Variants in KLHL32 observed in about 807,000 individuals in gnomAD.
The protein encoded by KLHL32 is kelch-like protein 32.
In KLHL32, 35 loss-of-function variants were observed where a neutral mutation model predicts 64.8. The observed-to-expected ratio is 0.54, with a 90% CI of 0.41 to 0.72. The LOEUF is 0.72. Ranked by LOEUF, KLHL32 falls within the 30% of genes least tolerant of loss-of-function variation. The pLI is 0.00. For synonymous variants in KLHL32, 259 were observed against 281.0 expected (o/e 0.92, Z 0.78); for missense variants, 589 against 768.5 (o/e 0.77, Z 2.76).
Position 96,978,830 on chromosome 6 carries a change from AG to A in KLHL32, c.204+2654del, listed in dbSNP as rs569627612. Among the ~76,000 whole-genome samples, 39 of 152,184 alleles carry A rather than the reference AG, an allele frequency of 2.6e-4. 2 individuals carry two copies. The highest frequency in any genetic ancestry group is 2.4e-3 in the Admixed American group (37 of 15,286). On this transcript the variant is annotated intron_variant, in intron 3 of 10. Transcript: ENST00000369261. ...TGCTATTTTTTTACTTTTTAATCAT[AG>A]TCATTCTGACTGGTGTGAGATAGTA...
intron 4 of KLHL32, among the ~76,000 whole-genome samples, chr6:97,048,484 A>G (rs1786283251): frequency 6.6e-6 from 1 of 152,236 alleles, no homozygotes; most frequent in Non-Finnish European, 1.5e-5. Context: ...GCAATCAAGA[A>G]AACTATCATA....
intron 1 of KLHL32, among the ~76,000 whole-genome samples, chr6:96,947,268 G>A (rs58204733): frequency 0.099 from 15,044 of 152,194 alleles, 787 homozygotes; most frequent in Middle Eastern, 0.16. Context: ...CATTCAACCT[G>A]TGTAAGCCTG....
chr6:96,994,448 G>A, intron 3 of KLHL32: 1 of 961,958 alleles, frequency 1.0e-6, no homozygotes, highest in Non-Finnish European at 1.2e-6. Context: ...ATATGTTCAA[G>A]TTAATTAAGT....
At chr6:96,961,731 G>A (rs1773904312) in intron 1 of KLHL32, among the ~76,000 whole-genome samples, 1 of 152,186 alleles carries the variant, frequency 6.6e-6, no homozygotes, top group African/African-American at 2.4e-5. Flanking sequence ...TAGGGCTTCT[G>A]CACAAGGGTA....
chr6:97,107,082 G>T (rs930872674), intron 6 of KLHL32, among the ~76,000 whole-genome samples: 1 of 152,184 alleles, frequency 6.6e-6, no homozygotes. Context: ...CACGAGGTCA[G>T]GAGATCGAGA....
chr6:97,033,642 C>A (rs1340050479), intron 3 of KLHL32, among the ~76,000 whole-genome samples: 3 of 152,014 alleles, frequency 2.0e-5, no homozygotes, highest in Non-Finnish European at 4.4e-5. Context: ...ACATTACAAC[C>A]AACAATAAAC....
At chr6:97,086,782 CTT>C (rs1320438602) in intron 6 of KLHL32, among the ~76,000 whole-genome samples, 2 of 152,160 alleles carry the variant, frequency 1.3e-5, no homozygotes, top group Admixed American at 1.3e-4. Flanking sequence ...CTGGCTCTCT[CTT>C]ATAAACACAA....
intron 4 of KLHL32, among the ~76,000 whole-genome samples, chr6:97,058,491 ATTCAT>A (rs1328934275): frequency 2.0e-5 from 3 of 152,106 alleles, no homozygotes; most frequent in Non-Finnish European, 4.4e-5. Context: ...GCCTACCAAT[ATTCAT>A]TTCCTCTTTT....
intron 5 of KLHL32, among the ~76,000 whole-genome samples, chr6:97,075,128 A>C (rs1287248316): frequency 6.6e-6 from 1 of 152,222 alleles, no homozygotes; most frequent in African/African-American, 2.4e-5. Flanking sequence ...AAAATGTACT[A>C]GTAACCTAAT....
At chr6:97,128,576 C>G (rs1297590393) in intron 8 of KLHL32, among the ~76,000 whole-genome samples, 1 of 152,224 alleles carries the variant, frequency 6.6e-6, no homozygotes, top group Admixed American at 6.5e-5. Flanking sequence ...ATCTCAATAA[C>G]TCTATCATTC....
intron 1 of KLHL32, among the ~76,000 whole-genome samples, chr6:96,955,532 T>C (rs1773152080): frequency 6.6e-6 from 1 of 152,238 alleles, no homozygotes; most frequent in Admixed American, 6.5e-5. Context: ...TAATGTTTCC[T>C]TAAATCAGGG....
intron 7 of KLHL32, among the ~76,000 whole-genome samples, chr6:97,117,007 A>G (rs1347841850): frequency 1.3e-5 from 2 of 152,180 alleles, no homozygotes; most frequent in African/African-American, 4.8e-5. Context: ...TGTACAGTAC[A>G]ATATCTTTAA....
intron 3 of KLHL32, chr6:97,010,127 A>AG (rs1562239695): frequency 1.8e-5 from 1 of 55,980 alleles, no homozygotes; most frequent in African/African-American, 1.4e-4. Flanking sequence ...CTGATTTGAC[A>AG]AAAAAAAAAA....
At chr6:97,031,869 CA>C (rs1783605533) in intron 3 of KLHL32, among the ~76,000 whole-genome samples, 1 of 152,188 alleles carries the variant, frequency 6.6e-6, no homozygotes, top group African/African-American at 2.4e-5. Context: ...TGCTGTTTCT[CA>C]GCTCTCGTTT....
At chr6:97,087,281 A>G (rs550122034) in intron 6 of KLHL32, among the ~76,000 whole-genome samples, 2 of 152,290 alleles carry the variant, frequency 1.3e-5, no homozygotes, top group South Asian at 4.1e-4. Flanking sequence ...TCAGACCGCT[A>G]TTTTGCCTCA....
intron 1 of KLHL32, among the ~76,000 whole-genome samples, chr6:96,947,142 A>G (rs559802656): frequency 2.0e-5 from 3 of 152,338 alleles, no homozygotes; most frequent in South Asian, 2.1e-4. Flanking sequence ...AATGAAACAA[A>G]CATAACCAGC....
intron 6 of KLHL32, among the ~76,000 whole-genome samples, chr6:97,088,347 A>G (rs1793740280): frequency 6.6e-6 from 1 of 152,234 alleles, no homozygotes; most frequent in Non-Finnish European, 1.5e-5. Flanking sequence ...AATCAGCTGA[A>G]ATGGAAATAT....
At chr6:96,919,051 C>T in the KLHL32 span, among the ~76,000 whole-genome samples, 4 of 152,160 alleles carry the variant, frequency 2.6e-5, no homozygotes, top group African/African-American at 7.2e-5. Context: ...CTCCCTGTCT[C>T]AGCACAGTGA....
upstream of KLHL32, among the ~76,000 whole-genome samples, chr6:96,923,254 C>A (rs1768815790): frequency 6.6e-6 from 1 of 152,124 alleles, no homozygotes; most frequent in African/African-American, 2.4e-5. Context: ...GTGACAAACA[C>A]CTTGGGGATC....
Sources: allele counts gnomAD v4.1 joint callset (sites outside exome capture counted in the v4.1 genomes callset), GRCh38; gene constraint gnomAD v4.1.1; transcripts MANE v1.5; gene names NCBI Gene and HGNC (gene_info 2026-07-23, HGNC 2026-07-21).